The following B3GALT1 variants were observed in gnomAD, a reference collection of about 807,000 sequenced individuals.
The protein encoded by B3GALT1 is UDP-Gal:betaGlcNAc beta 1,3-galactosyltransferase, polypeptide 1.
In B3GALT1, 10 loss-of-function variants were observed where a neutral mutation model predicts 23.2. The ratio of observed to expected loss-of-function variants is 0.43; its 90% confidence interval spans 0.27 to 0.73. The LOEUF (loss-of-function observed/expected upper bound fraction) is 0.73, where lower values mean the gene tolerates loss of function less well. Ranked by LOEUF, B3GALT1 falls within the 30% of genes least tolerant of loss-of-function variation. B3GALT1 has a pLI of 0.21. For missense variants in B3GALT1, 299 were observed against 405.4 expected, an observed-to-expected ratio of 0.74 and a Z score of 2.25; for synonymous variants, 156 against 141.5, an observed-to-expected ratio of 1.10 and a Z score of -0.73.
At chr2:167,364,652 T>C (rs1015722439) in intron 1 of B3GALT1, among the ~76,000 whole-genome samples, 2 of 152,206 alleles carry the variant, frequency 1.3e-5, no homozygotes, top group African/African-American at 4.8e-5. Flanking sequence ...TCCATGTCCC[T>C]ACAAAGAACA....
At chr2:167,617,356 C>T (rs1202386384) in intron 2 of B3GALT1, among the ~76,000 whole-genome samples, 1 of 152,084 alleles carries the variant, frequency 6.6e-6, no homozygotes, top group Admixed American at 6.6e-5. Context: ...GCAAAACTCA[C>T]ATATTCACTC....
At chr2:167,618,873 C>T (rs529674117) in intron 2 of B3GALT1, among the ~76,000 whole-genome samples, 1 of 151,852 alleles carries the variant, frequency 6.6e-6, no homozygotes. Context: ...TATCTTTTTC[C>T]TTTCCTGATG....
At chr2:167,440,338 C>CT (rs1171385828) in intron 1 of B3GALT1, among the ~76,000 whole-genome samples, 1 of 121,702 alleles carries the variant, frequency 8.2e-6, no homozygotes, top group Non-Finnish European at 1.6e-5. Flanking sequence ...GAGCGAGACT[C>CT]TGTCTGAAAA....
chr2:167,707,705 G>A, intron 3 of B3GALT1, among the ~76,000 whole-genome samples: 1 of 151,996 alleles, frequency 6.6e-6, no homozygotes, highest in Non-Finnish European at 1.5e-5. Flanking sequence ...AAGGTCAGCT[G>A]ATTAGCAACC....
chr2:167,325,366 C>T (rs1014443296), intron 1 of B3GALT1, among the ~76,000 whole-genome samples: 1 of 151,908 alleles, frequency 6.6e-6, no homozygotes, highest in Non-Finnish European at 1.5e-5. Flanking sequence ...CCTCAGGGAG[C>T]TTTTACTTGT....
At chr2:167,436,814 T>C (rs770138581) in intron 1 of B3GALT1, among the ~76,000 whole-genome samples, 3 of 152,132 alleles carry the variant, frequency 2.0e-5, no homozygotes, top group Non-Finnish European at 2.9e-5. Context: ...TGCCCATTGG[T>C]TAAATAGCCT....
chr2:167,801,902 C>A (rs1248986611), intron 3 of B3GALT1, among the ~76,000 whole-genome samples: 1 of 152,200 alleles, frequency 6.6e-6, no homozygotes, highest in African/African-American at 2.4e-5. Context: ...GATTTCGGTG[C>A]ATCCCTAACA....
intron 3 of B3GALT1, among the ~76,000 whole-genome samples, chr2:167,733,454 T>C (rs755283572): frequency 6.6e-6 from 1 of 152,082 alleles, no homozygotes; most frequent in Non-Finnish European, 1.5e-5. Context: ...GTCTTTAGTG[T>C]ATTTTATGTG....
chr2:167,654,043 G>A (rs572964787), intron 3 of B3GALT1, among the ~76,000 whole-genome samples: 65 of 152,228 alleles, frequency 4.3e-4, no homozygotes, highest in African/African-American at 1.5e-3. Flanking sequence ...CATCCTGAAG[G>A]GCAGTACAGT....
intron 4 of B3GALT1, among the ~76,000 whole-genome samples, chr2:167,828,372 G>T (rs1341851391): frequency 1.3e-5 from 2 of 152,164 alleles, no homozygotes; most frequent in South Asian, 2.1e-4. Context: ...ACTGCCGAAT[G>T]AATTAATAAA....
chr2:167,761,491 G>T (rs901842828), intron 3 of B3GALT1, among the ~76,000 whole-genome samples: 2 of 152,086 alleles, frequency 1.3e-5, no homozygotes, highest in African/African-American at 4.8e-5. Flanking sequence ...TTCTTATGAG[G>T]TTGTTTGGCA....
At chr2:167,708,770 C>T (rs1007406593) in intron 3 of B3GALT1, among the ~76,000 whole-genome samples, 2 of 152,202 alleles carry the variant, frequency 1.3e-5, no homozygotes, top group Non-Finnish European at 2.9e-5. Context: ...CCATTGTATA[C>T]ACCAAGCTTA....
At chr2:167,417,621 A>G (rs1698490163) in intron 1 of B3GALT1, among the ~76,000 whole-genome samples, 1 of 152,220 alleles carries the variant, frequency 6.6e-6, no homozygotes, top group Admixed American at 6.5e-5. Flanking sequence ...GGAAACTAGT[A>G]TTATTCAAAG....
chr2:167,385,822 T>G (rs781409627), intron 1 of B3GALT1, among the ~76,000 whole-genome samples: 1 of 152,186 alleles, frequency 6.6e-6, no homozygotes, highest in Non-Finnish European at 1.5e-5. Context: ...AATTCCACTT[T>G]GCAGCTCGGC....
At chr2:167,641,703 A>G (rs1685655438) in intron 2 of B3GALT1, among the ~76,000 whole-genome samples, 1 of 152,036 alleles carries the variant, frequency 6.6e-6, no homozygotes, top group South Asian at 2.1e-4. Flanking sequence ...TTCCCCTGTA[A>G]TGGGACTGGC....
intron 2 of B3GALT1, among the ~76,000 whole-genome samples, chr2:167,588,425 G>A (rs1295599443): frequency 1.3e-5 from 2 of 152,142 alleles, no homozygotes; most frequent in Non-Finnish European, 2.9e-5. Context: ...ACTTGCTGAA[G>A]CTAATACAAC....
intron 1 of B3GALT1, among the ~76,000 whole-genome samples, chr2:167,469,190 G>C (rs1699389987): frequency 6.6e-6 from 1 of 152,126 alleles, no homozygotes; most frequent in Non-Finnish European, 1.5e-5. Flanking sequence ...TAAAATTATG[G>C]ACTCTGGAGC....
intron 3 of B3GALT1, among the ~76,000 whole-genome samples, chr2:167,736,940 C>T (rs1687502437): frequency 6.6e-6 from 1 of 151,286 alleles, no homozygotes; most frequent in Non-Finnish European, 1.5e-5. Context: ...CCCCCCTTCC[C>T]CCCCAAAAAA....
intron 3 of B3GALT1, chr2:167,714,855 C>T: frequency 1.2e-6 from 2 of 1,608,672 alleles, no homozygotes; most frequent in Non-Finnish European, 1.7e-6. Context: ...TGGTAATTTT[C>T]TTCTATTGTC....
Sources: gnomAD v4.1 joint callset for allele counts (sites outside exome capture counted in the v4.1 genomes callset) on GRCh38, gnomAD v4.1.1 for gene constraint, MANE v1.5 for transcripts, NCBI Gene and HGNC (gene_info 2026-07-23, HGNC 2026-07-21) for gene names.